Variants in BRSK2 observed in about 807,000 individuals in gnomAD.
The protein encoded by BRSK2 is BR serine/threonine kinase 2, also known as serine/threonine-protein kinase BRSK2.
A neutral mutation model predicts 83.3 loss-of-function variants in BRSK2; 19 were observed. The ratio of observed to expected loss-of-function variants is 0.23; its 90% CI spans 0.16 to 0.33. The LOEUF (loss-of-function observed/expected upper bound fraction) is 0.33, where lower values mean the gene tolerates loss of function less well. Among genes scored for constraint, BRSK2 ranks in the 10% least tolerant of loss-of-function variants. The probability of loss-of-function intolerance (pLI) is 1.00; values close to 1 mark genes in which losing one functional copy is unlikely to be tolerated. For synonymous variants in BRSK2, 519 were observed against 435.4 expected (o/e 1.19, Z -2.39); for missense variants, 798 against 1,042.3 (o/e 0.77, Z 3.23).
intron 4 of BRSK2, among the ~76,000 whole-genome samples, chr11:1,441,979 G>A (rs1241311245): frequency 4.8e-5 from 2 of 42,016 alleles, no homozygotes; most frequent in African/African-American, 2.2e-4. Flanking sequence ...TACCCCTCAA[G>A]TGCACTGTCC....
At chr11:1,452,029 C>T (rs979317005) in intron 15 of BRSK2, among the ~76,000 whole-genome samples, 7 of 152,180 alleles carry the variant, frequency 4.6e-5, no homozygotes, top group Admixed American at 1.3e-4. Context: ...TGGGCAGTGT[C>T]TCGGAGACCA....
intron 1 of BRSK2, among the ~76,000 whole-genome samples, chr11:1,394,165 TGGGTCCTGGA>T (rs1845911019): frequency 1.0e-5 from 1 of 98,542 alleles, no homozygotes; most frequent in African/African-American, 4.3e-5. Flanking sequence ...GCCATGGAGA[TGGGTCCTGGA>T]GATGGGCCCC....
intron 8 of BRSK2, among the ~76,000 whole-genome samples, chr11:1,444,099 G>A (rs570948334): frequency 1.3e-5 from 2 of 152,202 alleles, no homozygotes; most frequent in African/African-American, 4.8e-5. Context: ...AGGTGTGGGG[G>A]GCTGTGTGCA....
rs1014314039 is a variant in BRSK2, at chr11:1,423,952, G to A, written c.92-12088G>A. ...GTGTGTCCCCAGCCACACTTTCCTC[G>A]GCCTTTCTCTGATAGGAAGGCTGGT... is the stretch of plus-strand genomic sequence containing the variant. On this transcript the variant is annotated intron_variant, in intron 1 of 19. Coordinates refer to ENST00000528841, the MANE Select transcript of BRSK2 (RefSeq NM_001256627.2). This position sits in a 1 kb window ranked among gnomAD's most constrained non-coding sequence, Gnocchi z 6.5. Among the ~76,000 whole-genome samples, 6 of 151,524 alleles carry A rather than the reference G, an allele frequency of 4.0e-5. No homozygotes were observed. Among genetic ancestry groups the A allele is most frequent in the African/African-American group, 7.3e-5 (3 of 41,098 alleles).
At chr11:1,452,596 G>A (rs1242992238) in intron 15 of BRSK2, among the ~76,000 whole-genome samples, 1 of 151,684 alleles carries the variant, frequency 6.6e-6, no homozygotes, top group African/African-American at 2.4e-5. Context: ...CGGCACGGAT[G>A]CCTCCCACAG....
At chr11:1,445,254 G>A (rs780841208) in intron 9 of BRSK2, 40 bp from the exon 10 acceptor site, 5 of 1,573,454 alleles carry the variant, frequency 3.2e-6, no homozygotes, top group Non-Finnish European at 4.3e-6. Flanking sequence ...CCCAGGCCCG[G>A]CCGGAGCTGA....
intron 1 of BRSK2, among the ~76,000 whole-genome samples, chr11:1,396,417 C>T (rs889157284): frequency 2.0e-5 from 3 of 152,314 alleles, no homozygotes; most frequent in Middle Eastern, 3.4e-3. Context: ...TTCTCACTCC[C>T]GAGTCTGCGG....
intron 12 of BRSK2, among the ~76,000 whole-genome samples, chr11:1,449,380 G>C (rs192159399): frequency 2.3e-4 from 35 of 152,344 alleles, no homozygotes; most frequent in African/African-American, 7.5e-4. Flanking sequence ...AGCCAGGGGG[G>C]GCTTGGCAGG....
chr11:1,457,254 C>T (rs1411897148), intron 18 of BRSK2, among the ~76,000 whole-genome samples: 3 of 152,166 alleles, frequency 2.0e-5, no homozygotes, highest in Non-Finnish European at 2.9e-5. Context: ...CGGGACTCCC[C>T]GCCATGGCAC....
chr11:1,449,136 C>A (rs558475713), intron 12 of BRSK2, among the ~76,000 whole-genome samples: 4 of 152,190 alleles, frequency 2.6e-5, no homozygotes, highest in Non-Finnish European at 5.9e-5. Flanking sequence ...GGCCACACAC[C>A]GGAGTCTCAG....
In BRSK2 at chr11:1,452,312, C is replaced by T. The variant is rs556702814; in HGVS notation, c.1544+893C>T. ...GCCTTTCTGCGCCGATCAGGTGGCC[C>T]TTCCAGCTGGGTGCCCAGGTCGGAG... On this transcript the variant is annotated intron_variant, in intron 15 of 19. Transcript: ENST00000528841. 1.8e-4 allele frequency among the ~76,000 whole-genome samples: 27 copies of T among 152,350 alleles called. No homozygotes were observed. In the East Asian group the frequency reaches 5.0e-3, roughly 28 times the overall value.
chr11:1,405,273 C>T (rs1305657052), intron 1 of BRSK2, among the ~76,000 whole-genome samples: 1 of 152,080 alleles, frequency 6.6e-6, no homozygotes, highest in Non-Finnish European at 1.5e-5. Flanking sequence ...GCTGACGTTG[C>T]TCCTGGAGCC....
At position 1,460,910 on chromosome 11, in the gene BRSK2, C is replaced by A; in HGVS notation, c.*187C>A. The A allele has an allele frequency of 6.2e-7, 1 of 1,608,200 alleles. No homozygotes were observed. Among genetic ancestry groups the A allele is most frequent in the Non-Finnish European group, 8.5e-7 (1 of 1,176,854 alleles). On this transcript the variant is annotated 3_prime_UTR_variant, in exon 20 of 20. Coordinates refer to ENST00000528841, the MANE Select transcript of BRSK2 (RefSeq NM_001256627.2). The stretch of plus-strand genomic sequence containing the variant: ...GCGCCACCCGCGCCCGCTCTCTTTT[C>A]TCTCTGTCTCTGCCTCTGCCTGTCT...
intron 2 of BRSK2, among the ~76,000 whole-genome samples, chr11:1,437,185 G>T (rs1850429202): frequency 6.6e-6 from 1 of 152,002 alleles, no homozygotes; most frequent in Non-Finnish European, 1.5e-5. Context: ...TGTGAGCCCC[G>T]ACTAAAGGAG....
In BRSK2 at chr11:1,442,589, G is replaced by C; in HGVS notation, c.513G>C (p.Leu171=). The change falls in exon 5 of 20, where the codon CTG becomes CTC. Residue 171 remains leucine (L), a synonymous_variant. Transcript: ENST00000528841. ...CGTCCCTGCAGGTTGGCGACAGCCTGTTGGAGACCAGCTGTGGGTACGTGG... is the reference window on the plus strand; with the variant it reads ...CGTCCCTGCAGGTTGGCGACAGCCTCTTGGAGACCAGCTGTGGGTACGTGG... ...GMASLQVGDS[L]LETSCGSPHY... is the part of the protein sequence containing the mutation. 1 of 1,612,500 alleles carries C rather than the reference G, an allele frequency of 6.2e-7. No individual in the cohort carries two copies. Among genetic ancestry groups the C allele is most frequent in the Admixed American group, 1.7e-5 (1 of 60,002 alleles).
In BRSK2 at chr11:1,411,638, G is replaced by A. The variant is rs757466763; in HGVS notation, c.91+21263G>A. The A allele has an allele frequency of 4.6e-5, 71 of 1,541,412 alleles. No homozygotes were observed. The highest frequency in any genetic ancestry group is 9.6e-5 in the Admixed American group (5 of 51,840). ...GCCTGCAGCCCAGCCCAGCAGGTGC[G>A]TGCCACGCTCCCTGGCTGGCCAGGG... On this transcript the variant is annotated intron_variant, in intron 1 of 19. Transcript: ENST00000528841.
In BRSK2 at chr11:1,445,827, C is replaced by T. The variant is rs1851975750; in HGVS notation, c.1146C>T (p.Ser382=). The change falls in exon 12 of 20, where the codon TCC becomes TCT. Residue 382 remains serine, a synonymous_variant. Coordinates refer to ENST00000528841, the MANE Select transcript of BRSK2 (RefSeq NM_001256627.2). ...GCAAGCGGCGGCCAGAACGCAAATC[C>T]ATGGAGGTGCTCAGCGTGACGGACG... ...RHGKRRPERK[S]MEVLSVTDGG... The T allele has an allele frequency of 1.9e-6, 3 of 1,612,372 alleles. No individual in the cohort carries two copies. Among genetic ancestry groups the T allele is most frequent in the South Asian group, 2.2e-5 (2 of 91,074 alleles).
intron 18 of BRSK2, among the ~76,000 whole-genome samples, chr11:1,457,779 A>C (rs894004353): frequency 1.2e-4 from 19 of 152,078 alleles, no homozygotes; most frequent in Admixed American, 6.5e-5. Context: ...TCATTCCATC[A>C]TCATGCCATC....
rs371657564 is a variant in BRSK2 at position 1,454,539 on chromosome 11, G to C, written c.1599G>C (p.Gln533His). 10 of 1,613,220 alleles carry C rather than the reference G, an allele frequency of 6.2e-6. No individual in the cohort carries two copies. The African/African-American group carries it at 1.3e-4, about 22-fold the overall frequency. ...GNFISLEKEEQIFVVIKDKPL... is the reference protein window; with the variant it reads ...GNFISLEKEEHIFVVIKDKPL... ...TCATCAGCCTGGAGAAGGAGGAGCAGATCTTCGTGGTCATCAAAGACAAAC... is the reference window on the plus strand; with the variant it reads ...TCATCAGCCTGGAGAAGGAGGAGCACATCTTCGTGGTCATCAAAGACAAAC... The change falls in exon 16 of 20, where the codon CAG becomes CAC. Residue 533 changes from glutamine to histidine, a missense_variant. Physicochemically the swap from Gln to His is conservative, Grantham distance 24 (BLOSUM62 0). Transcript: ENST00000528841. This position sits in a 1 kb window ranked among gnomAD's most constrained non-coding sequence, Gnocchi z 5.2.
Sources: gnomAD v4.1 joint callset for allele counts (sites outside exome capture counted in the v4.1 genomes callset) on GRCh38, gnomAD v4.1.1 for gene constraint, Gnocchi (gnomAD v3.1) non-coding constraint, MANE v1.5 for transcripts, NCBI Gene and HGNC (gene_info 2026-07-23, HGNC 2026-07-21) for gene names.